DENND5B: variants seen among roughly 807,000 people sequenced by gnomAD.
DENND5B encodes DENN domain containing 5B, also known as DENN domain-containing protein 5B.
Under a neutral mutation model 140.6 loss-of-function variants are expected in DENND5B, and 34 were observed. The observed-to-expected ratio is 0.24, with a 90% CI of 0.18 to 0.32. The LOEUF is 0.32. Ranked by LOEUF, DENND5B falls within the 10% of genes least tolerant of loss-of-function variation. The pLI is 1.00. For missense variants in DENND5B, 1,142 were observed against 1,560.2 expected, an observed-to-expected ratio of 0.73 and a Z score of 4.52; for synonymous variants, 551 against 562.1, an observed-to-expected ratio of 0.98 and a Z score of 0.28.
At chr12:31,516,862 C>T (rs939619552) in intron 1 of DENND5B, among the ~76,000 whole-genome samples, 3 of 152,046 alleles carry the variant, frequency 2.0e-5, no homozygotes, top group African/African-American at 7.2e-5. Flanking sequence ...CTGCTTGAGT[C>T]CAGGATGTTG....
At chr12:31,554,171 C>T (rs1283272817) in intron 1 of DENND5B, among the ~76,000 whole-genome samples, 5 of 152,186 alleles carry the variant, frequency 3.3e-5, no homozygotes, top group African/African-American at 1.2e-4. Flanking sequence ...ATGGTCTTTA[C>T]AATTTGGCAT....
chr12:31,552,210 T>C (rs898024035), intron 1 of DENND5B, among the ~76,000 whole-genome samples: 5 of 152,204 alleles, frequency 3.3e-5, no homozygotes, highest in African/African-American at 4.8e-5. Context: ...TTGTCATAGA[T>C]AGCTCTTATT....
intron 10 of DENND5B, 23 bp downstream of exon 10, chr12:31,424,511 AC>A: frequency 1.9e-6 from 3 of 1,604,734 alleles, no homozygotes; most frequent in Non-Finnish European, 2.6e-6. Context: ...TGGCCATGTC[AC>A]CAGGACCTCC....
At chr12:31,519,823 C>G (rs1036795171) in intron 1 of DENND5B, among the ~76,000 whole-genome samples, 1 of 152,090 alleles carries the variant, frequency 6.6e-6, no homozygotes. Context: ...TTACACTCAC[C>G]CTTTTAAAGT....
intron 1 of DENND5B, among the ~76,000 whole-genome samples, chr12:31,516,416 G>A (rs2138962842): frequency 6.7e-6 from 1 of 150,366 alleles, no homozygotes; most frequent in East Asian, 2.0e-4. Flanking sequence ...TGGTGAGGTT[G>A]CAGTGAGCTG....
intron 11 of DENND5B, among the ~76,000 whole-genome samples, chr12:31,418,284 T>TTC (rs1442582277): frequency 6.8e-6 from 1 of 147,254 alleles, no homozygotes; most frequent in African/African-American, 2.5e-5. Context: ...TTTCTTTTCT[T>TTC]TTTTTTTTTT....
chr12:31,449,824 G>A (rs1436562065), intron 5 of DENND5B, among the ~76,000 whole-genome samples: 2 of 143,742 alleles, frequency 1.4e-5, no homozygotes, highest in Non-Finnish European at 3.0e-5. Flanking sequence ...TCCACCTCCC[G>A]GGTTCATGCC....
intron 1 of DENND5B, among the ~76,000 whole-genome samples, chr12:31,574,291 TAA>T (rs1592078271): frequency 2.1e-5 from 3 of 145,276 alleles, no homozygotes; most frequent in Non-Finnish European, 1.5e-5. Flanking sequence ...ATAATAATAA[TAA>T]TAATTTAAAA....
intron 1 of DENND5B, among the ~76,000 whole-genome samples, chr12:31,535,751 C>A (rs1779573781): frequency 6.6e-6 from 1 of 152,200 alleles, no homozygotes; most frequent in Non-Finnish European, 1.5e-5. Flanking sequence ...CAACAAACAT[C>A]CGCAAGTATC....
chr12:31,567,957 G>A (rs903869729), intron 1 of DENND5B, among the ~76,000 whole-genome samples: 4 of 152,064 alleles, frequency 2.6e-5, no homozygotes, highest in Non-Finnish European at 4.4e-5. Context: ...CTCCCACCTC[G>A]GCCTTCCAAA....
At chr12:31,420,579 G>A (rs999156017) in intron 11 of DENND5B, among the ~76,000 whole-genome samples, 2 of 152,070 alleles carry the variant, frequency 1.3e-5, no homozygotes, top group African/African-American at 4.8e-5. Flanking sequence ...GAATAGTTGG[G>A]ATTACAGGTG....
At chr12:31,551,435 T>C (rs1949056187) in intron 1 of DENND5B, among the ~76,000 whole-genome samples, 1 of 152,218 alleles carries the variant, frequency 6.6e-6, no homozygotes, top group South Asian at 2.1e-4. Flanking sequence ...TCTGTTTTGG[T>C]ACCCGTACCA....
At chr12:31,435,551 G>A (rs529831402) in intron 7 of DENND5B, among the ~76,000 whole-genome samples, 1 of 152,206 alleles carries the variant, frequency 6.6e-6, no homozygotes, top group East Asian at 1.9e-4. Context: ...CACCTCTGAT[G>A]TAAAAATTCT....
At chr12:31,574,107 A>G (rs1470342451) in intron 1 of DENND5B, among the ~76,000 whole-genome samples, 1 of 151,532 alleles carries the variant, frequency 6.6e-6, no homozygotes, top group Non-Finnish European at 1.5e-5. Context: ...AAAAATAAAA[A>G]AAAAAATTAG....
Position 31,460,296 on chromosome 12 carries a change from T to C in DENND5B, c.990A>G (p.Leu330=), listed in dbSNP as rs771145490. ...FQWQHVYVPI[L]PASLLHFLDA... ...CAAGAAAATGTAGCAGAGAAGCAGG[T>C]AGAATGGGCACATAAACATGTTGCC... is the stretch of plus-strand genomic sequence containing the variant. Residue 330 remains leucine, a synonymous_variant, in exon 4 of 21, where the codon CTA becomes CTG. Coordinates refer to ENST00000389082, the MANE Select transcript of DENND5B (RefSeq NM_144973.4). 3.1e-6 allele frequency: 5 copies of C among 1,613,900 alleles called. No homozygotes were observed. In the East Asian group the frequency reaches 6.7e-5, roughly 22 times the overall value.
chr12:31,484,860 T>C (rs1221441725), intron 2 of DENND5B, among the ~76,000 whole-genome samples: 1 of 152,124 alleles, frequency 6.6e-6, no homozygotes, highest in Non-Finnish European at 1.5e-5. Context: ...AAGTGTCGTC[T>C]TCTCTTATTC....
rs1944943414 is a variant in DENND5B at position 31,460,050 on chromosome 12, T to C, written c.1092+144A>G. 24 of 766,844 alleles carry C rather than the reference T, an allele frequency of 3.1e-5. No individual in the cohort carries two copies. In the South Asian group the frequency reaches 4.6e-4, roughly 15 times the overall value. The allele number at this position is 766,844 out of a possible 1,614,324, so 47.5% of individuals were successfully genotyped here. On this transcript the variant is annotated intron_variant, in intron 4 of 20. Coordinates refer to ENST00000389082, the MANE Select transcript of DENND5B (RefSeq NM_144973.4). ...TCATCAAGAGTCTGCATTCTATAGCTCAGGCTCTCCCCTAGCCATACTTGG... is the reference window on the plus strand; with the variant it reads ...TCATCAAGAGTCTGCATTCTATAGCCCAGGCTCTCCCCTAGCCATACTTGG...
At chr12:31,474,317 T>G (rs1945693204) in intron 3 of DENND5B, among the ~76,000 whole-genome samples, 2 of 152,236 alleles carry the variant, frequency 1.3e-5, no homozygotes, top group Non-Finnish European at 2.9e-5. Context: ...AATTCCCCTT[T>G]TATTCTTCCA....
intron 17 of DENND5B, among the ~76,000 whole-genome samples, chr12:31,395,936 C>T (rs1352839923): frequency 1.1e-5 from 1 of 92,114 alleles, no homozygotes; most frequent in East Asian, 3.5e-4. Context: ...TTAGTTATCA[C>T]TGGGCCAAAA....
Sources: allele counts gnomAD v4.1 joint callset (sites outside exome capture counted in the v4.1 genomes callset), GRCh38; gene constraint gnomAD v4.1.1; transcripts MANE v1.5; gene names NCBI Gene and HGNC (gene_info 2026-07-23, HGNC 2026-07-21).